EXOC6B: variants seen among roughly 807,000 people sequenced by gnomAD.
EXOC6B encodes the protein SEC15 homolog B.
EXOC6B carries 54 observed loss-of-function variants against 113.5 expected under a neutral mutation model. That is an observed-to-expected ratio of 0.48 (90% CI 0.38 to 0.60). The LOEUF (loss-of-function observed/expected upper bound fraction) is 0.60, where lower values mean the gene tolerates loss of function less well. EXOC6B is among the 20% of genes least tolerant of loss of function. EXOC6B has a pLI of 0.00. For synonymous variants in EXOC6B, 357 were observed against 339.0 expected, an observed-to-expected ratio of 1.05 and a Z score of -0.58; for missense variants, 797 against 977.5, an observed-to-expected ratio of 0.82 and a Z score of 2.46.
intron 18 of EXOC6B, among the ~76,000 whole-genome samples, chr2:72,422,380 G>T (rs1389590766): frequency 6.6e-6 from 1 of 152,198 alleles, no homozygotes. Context: ...CTCAAGGTTT[G>T]TGAGTGCACC....
In EXOC6B at chr2:72,601,160, GT is replaced by G. The variant is rs1670409675; in HGVS notation, c.670-25493del. Among the ~76,000 whole-genome samples, 2 of 149,100 alleles carry G rather than the reference GT, an allele frequency of 1.3e-5. 1 individual carries two copies. Among genetic ancestry groups the G allele is most frequent in the Non-Finnish European group, 3.0e-5 (2 of 67,466 alleles). ...TGTGTGTGTGTGTGTGTGTGTGTGT[GT>G]GTGTGTGTGTGTGTGTATATCTTTT... On this transcript the variant is annotated intron_variant, in intron 6 of 21. Coordinates refer to ENST00000272427, the MANE Select transcript of EXOC6B (RefSeq NM_015189.3).
chr2:72,471,221 T>G (rs1359210013), intron 17 of EXOC6B, among the ~76,000 whole-genome samples: 1 of 152,256 alleles, frequency 6.6e-6, no homozygotes, highest in Non-Finnish European at 1.5e-5. Flanking sequence ...TGGCCAGTGA[T>G]GATGAGCATT....
At chr2:72,495,288 C>T (rs544427804) in intron 15 of EXOC6B, 142 bp downstream of exon 15, 1 of 517,074 alleles carries the variant, frequency 1.9e-6, no homozygotes, top group South Asian at 3.6e-5. Context: ...TATAGAAATA[C>T]AGCAGTGCCA....
At chr2:72,362,466 T>C (rs1055108357) in intron 19 of EXOC6B, among the ~76,000 whole-genome samples, 3 of 152,064 alleles carry the variant, frequency 2.0e-5, no homozygotes, top group African/African-American at 7.2e-5. Flanking sequence ...GAAATAATTA[T>C]AATTAATTAT....
chr2:72,446,524 G>C (rs756082265), intron 18 of EXOC6B, among the ~76,000 whole-genome samples: 1 of 152,110 alleles, frequency 6.6e-6, no homozygotes, highest in Non-Finnish European at 1.5e-5. Flanking sequence ...AGCAGGAACA[G>C]AAAACCAAAC....
intron 20 of EXOC6B, among the ~76,000 whole-genome samples, chr2:72,241,041 A>T (rs1290881390): frequency 1.3e-5 from 2 of 152,228 alleles, no homozygotes; most frequent in African/African-American, 2.4e-5. Context: ...GCAATCAGCT[A>T]GAGGCTTATT....
At chr2:72,180,856 G>T (rs1298318097) in intron 21 of EXOC6B, among the ~76,000 whole-genome samples, 3 of 152,162 alleles carry the variant, frequency 2.0e-5, no homozygotes, top group Admixed American at 6.5e-5. Context: ...ATGGCAAAAA[G>T]GTTCTAATGA....
At chr2:72,636,327 A>ATGAG (rs1272073591) in intron 6 of EXOC6B, among the ~76,000 whole-genome samples, 1 of 105,616 alleles carries the variant, frequency 9.5e-6, no homozygotes, top group African/African-American at 3.6e-5. Flanking sequence ...GAGGGAGGGA[A>ATGAG]GGAGGGAAGG....
intron 20 of EXOC6B, among the ~76,000 whole-genome samples, chr2:72,303,044 T>G (rs895595836): frequency 3.9e-5 from 6 of 152,218 alleles, no homozygotes; most frequent in Admixed American, 3.3e-4. Context: ...CATTTGCTTA[T>G]CTGAAAAGAA....
intron 18 of EXOC6B, among the ~76,000 whole-genome samples, chr2:72,442,840 T>C (rs1218879280): frequency 2.0e-5 from 3 of 152,162 alleles, no homozygotes; most frequent in East Asian, 3.9e-4. Context: ...TTCAATGCTA[T>C]TCCCATTAAA....
intron 20 of EXOC6B, among the ~76,000 whole-genome samples, chr2:72,328,422 A>C (rs1033074665): frequency 6.6e-6 from 1 of 152,068 alleles, no homozygotes; most frequent in Non-Finnish European, 1.5e-5. Flanking sequence ...AAAAAAAAAA[A>C]AATCTAGATA....
intron 2 of EXOC6B, among the ~76,000 whole-genome samples, chr2:72,735,832 C>T (rs1237260451): frequency 6.6e-6 from 1 of 151,540 alleles, no homozygotes; most frequent in Admixed American, 6.6e-5. Context: ...GAAACTCCAT[C>T]TCAAAAAAAT....
rs944815608 is a variant in EXOC6B, at chr2:72,673,088, GA to G, written c.669+45014del. On this transcript the variant is annotated intron_variant, in intron 6 of 21. Transcript: ENST00000272427. Reference sequence around the variant, plus strand: ...GTATCAATAAAAAAGAAAATATTCAGAAAAAACAATTAAAATAGCAATAAAA... The same window carrying G: ...GTATCAATAAAAAAGAAAATATTCAGAAAAACAATTAAAATAGCAATAAAA... Among the ~76,000 whole-genome samples, 52 of 151,870 alleles carry G rather than the reference GA, an allele frequency of 3.4e-4. 1 individual carries two copies. The highest frequency in any genetic ancestry group is 1.2e-3 in the African/African-American group (51 of 41,362).
At chr2:72,635,837 A>C (rs2104304546) in intron 6 of EXOC6B, among the ~76,000 whole-genome samples, 1 of 152,380 alleles carries the variant, frequency 6.6e-6, no homozygotes, top group African/African-American at 2.4e-5. Flanking sequence ...AATTTACAAA[A>C]GGAATTATAC....
intron 20 of EXOC6B, among the ~76,000 whole-genome samples, chr2:72,232,029 C>T (rs1378984687): frequency 5.3e-5 from 8 of 152,044 alleles, no homozygotes; most frequent in Admixed American, 5.2e-4. Context: ...GGTTGGAGTG[C>T]AGTGGCACAG....
intron 1 of EXOC6B, among the ~76,000 whole-genome samples, chr2:72,808,123 T>C (rs925990139): frequency 9.9e-5 from 15 of 151,946 alleles, no homozygotes; most frequent in Non-Finnish European, 2.2e-4. Context: ...AAAGAAATGA[T>C]TTAACAACAA....
intron 6 of EXOC6B, among the ~76,000 whole-genome samples, chr2:72,584,384 C>CT (rs2103885583): frequency 6.6e-6 from 1 of 152,242 alleles, no homozygotes; most frequent in Non-Finnish European, 1.5e-5. Context: ...ATAAATCACA[C>CT]TTTAAGCCAA....
At chr2:72,583,733 T>G (rs1027780754) in intron 6 of EXOC6B, among the ~76,000 whole-genome samples, 1 of 97,232 alleles carries the variant, frequency 1.0e-5, no homozygotes, top group Non-Finnish European at 1.9e-5. Context: ...TTTGTTTTTG[T>G]TTTTTTTGAT....
At chr2:72,794,657 G>T (rs1559007638) in intron 1 of EXOC6B, among the ~76,000 whole-genome samples, 2 of 152,288 alleles carry the variant, frequency 1.3e-5, no homozygotes, top group East Asian at 3.9e-4. Flanking sequence ...CACCTACTAT[G>T]ACTCACTCAC....
Sources: allele counts gnomAD v4.1 joint callset (sites outside exome capture counted in the v4.1 genomes callset), GRCh38; gene constraint gnomAD v4.1.1; transcripts MANE v1.5; gene names NCBI Gene and HGNC (gene_info 2026-07-23, HGNC 2026-07-21).